TCAIM: variants seen among roughly 807,000 people sequenced by gnomAD.
TCAIM encodes T-cell activation inhibitor, mitochondrial.
TCAIM carries 36 observed loss-of-function variants against 58.6 expected under a neutral mutation model. The observed-to-expected ratio is 0.61, with a 90% CI of 0.47 to 0.81. The LOEUF (loss-of-function observed/expected upper bound fraction) is 0.81, where lower values mean the gene tolerates loss of function less well. TCAIM is among the 30% of genes least tolerant of loss of function. TCAIM has a pLI of 0.00. For synonymous variants in TCAIM, 172 were observed against 193.6 expected (o/e 0.89, Z 0.93); for missense variants, 466 against 579.6 (o/e 0.80, Z 2.01).
intron 5 of TCAIM, among the ~76,000 whole-genome samples, chr3:44,386,918 C>G (rs569380742): frequency 1.6e-4 from 25 of 152,338 alleles, no homozygotes; most frequent in Admixed American, 1.0e-3. Context: ...AAGCCAGGAA[C>G]AGCCTGAAGC....
At chr3:44,405,783 C>T (rs1702090521) in intron 10 of TCAIM, among the ~76,000 whole-genome samples, 1 of 151,574 alleles carries the variant, frequency 6.6e-6, no homozygotes, top group Admixed American at 6.6e-5. Context: ...TGGCAAAACC[C>T]TGCCTCTACT....
intron 9 of TCAIM, chr3:44,400,949 A>T: frequency 2.0e-6 from 1 of 506,934 alleles, no homozygotes; most frequent in Non-Finnish European, 3.5e-6. Flanking sequence ...TTTAGCTCTC[A>T]CAACCTCACT....
intron 5 of TCAIM, chr3:44,391,111 C>G (rs954341104): frequency 2.0e-5 from 3 of 152,178 alleles, no homozygotes; most frequent in Admixed American, 6.5e-5. Context: ...TCTACAGAGG[C>G]AGTGCTGCTC....
intron 10 of TCAIM, among the ~76,000 whole-genome samples, chr3:44,406,737 G>A (rs896437942): frequency 3.9e-5 from 6 of 152,166 alleles, no homozygotes; most frequent in Non-Finnish European, 5.9e-5. Context: ...CTTTATTCAC[G>A]TTGTTAAATG....
chr3:44,360,596 TC>T (rs1438465934), intron 3 of TCAIM, among the ~76,000 whole-genome samples: 2 of 151,480 alleles, frequency 1.3e-5, no homozygotes, highest in Middle Eastern at 3.2e-3. Flanking sequence ...CTATATATAA[TC>T]TTTTTTTTTT....
chr3:44,344,860 A>T (rs181203772), intron 1 of TCAIM, among the ~76,000 whole-genome samples: 124 of 152,244 alleles, frequency 8.1e-4, no homozygotes, highest in Non-Finnish European at 1.4e-3. Flanking sequence ...GGCGGGGGTC[A>T]CAAGGTGCTC....
At position 44,364,737 on chromosome 3, in the gene TCAIM, C is replaced by A. The variant is rs1166044740; in HGVS notation, c.320-2719C>A. 2.7e-5 allele frequency among the ~76,000 whole-genome samples: 4 copies of A among 149,664 alleles called. No individual in the cohort carries two copies. The East Asian group carries it at 5.8e-4, about 22-fold the overall frequency. On this transcript the variant is annotated intron_variant, in intron 4 of 10. Transcript: ENST00000342649. ...CTCCAGCATGGGTGACAGAGTGAGA[C>A]CCTGTCTCAAAAAAAAAAAAAAAAA...
At chr3:44,385,600 G>A (rs6808201) in intron 5 of TCAIM, among the ~76,000 whole-genome samples, 22,516 of 152,056 alleles carry the variant, frequency 0.15, 1,702 homozygotes, top group Admixed American at 0.17. Context: ...AAAATTAGCC[G>A]GGAGTGGTGG....
intron 4 of TCAIM, among the ~76,000 whole-genome samples, chr3:44,365,572 C>T (rs1021160465): frequency 6.6e-6 from 1 of 152,170 alleles, no homozygotes; most frequent in East Asian, 1.9e-4. Context: ...AAGTGATCCA[C>T]CTGCCTCAGC....
intron 5 of TCAIM, among the ~76,000 whole-genome samples, chr3:44,389,271 C>T (rs1701794346): frequency 1.3e-5 from 2 of 152,216 alleles, no homozygotes; most frequent in African/African-American, 4.8e-5. Context: ...GCCTGGGTGA[C>T]ACAGTGAGAC....
intron 1 of TCAIM, among the ~76,000 whole-genome samples, chr3:44,353,096 T>A (rs1701125535): frequency 6.6e-6 from 1 of 151,852 alleles, no homozygotes; most frequent in African/African-American, 2.4e-5. Context: ...ATTTTTGTAT[T>A]TTTTAGTAGA....
chr3:44,396,001 G>A (rs1178245147), intron 6 of TCAIM, among the ~76,000 whole-genome samples: 2 of 152,158 alleles, frequency 1.3e-5, no homozygotes, highest in African/African-American at 4.8e-5. Flanking sequence ...ACAAAAAAGA[G>A]AACCTGATAA....
At chr3:44,367,817 A>T in intron 5 of TCAIM, 109 bp downstream of exon 5, 2 of 1,138,934 alleles carry the variant, frequency 1.8e-6, no homozygotes, top group East Asian at 5.3e-5. Context: ...TGTAGTTCAC[A>T]TTTAAAATTA....
chr3:44,359,790 G>C (rs1701266016), intron 3 of TCAIM: 2 of 152,186 alleles, frequency 1.3e-5, no homozygotes, highest in South Asian at 4.1e-4. Flanking sequence ...AAACCATAAT[G>C]GTGAATAAAA....
chr3:44,396,609 T>C lies in TCAIM; in HGVS notation c.793+112T>C. 3.5e-6 allele frequency: 5 copies of C among 1,429,712 alleles called. 1 individual carries two copies. Among genetic ancestry groups the C allele is most frequent in the Non-Finnish European group, 4.8e-6 (5 of 1,048,818 alleles). 88.6% of individuals were successfully genotyped at this position (1,429,712 alleles called of 1,614,324 possible). The stretch of plus-strand genomic sequence containing the variant: ...ACAGCTGAACTTTTAAATCTGTTCT[T>C]TGAATAAAGCAGTGGCATAAAATTA... On this transcript the variant is annotated intron_variant, in intron 7 of 10. Transcript: ENST00000342649.
intron 3 of TCAIM, 23 bp from the exon 4 acceptor site, chr3:44,361,342 A>G: frequency 6.3e-7 from 1 of 1,578,852 alleles, no homozygotes. Flanking sequence ...TTGTATGTAA[A>G]TGCCCTTAAT....
intron 5 of TCAIM, among the ~76,000 whole-genome samples, chr3:44,370,799 T>C (rs569367400): frequency 6.6e-6 from 1 of 150,380 alleles, no homozygotes; most frequent in Non-Finnish European, 1.5e-5. Context: ...TGGAGTGCAG[T>C]GGCATGATCA....
intron 3 of TCAIM, chr3:44,358,241 T>C: frequency 6.6e-7 from 1 of 1,509,286 alleles, no homozygotes; most frequent in Non-Finnish European, 9.1e-7. Context: ...GAGTTTTCAA[T>C]GCCCTAGTGA....
At position 44,394,557 on chromosome 3, in the gene TCAIM, A is replaced by G. The variant is rs563256574; in HGVS notation, c.695+1580A>G. Among the ~76,000 whole-genome samples, 107 of 152,232 alleles carry G rather than the reference A, an allele frequency of 7.0e-4. 5 individuals carry two copies. In the South Asian group the frequency reaches 0.021, roughly 30 times the overall value. ...GAAATAAACATTATTTTACAGTATC[A>G]TGGAGAAATTTCTCAGCTTTAATTT... On this transcript the variant is annotated intron_variant, in intron 6 of 10. Coordinates refer to ENST00000342649, the MANE Select transcript of TCAIM (RefSeq NM_173826.4).
Sources: gnomAD v4.1 joint callset for allele counts (sites outside exome capture counted in the v4.1 genomes callset) on GRCh38, gnomAD v4.1.1 for gene constraint, MANE v1.5 for transcripts, NCBI Gene and HGNC (gene_info 2026-07-23, HGNC 2026-07-21) for gene names.